ZNF248: variants seen among roughly 807,000 people sequenced by gnomAD.
ZNF248 encodes zinc finger protein 248, also known as KRAB protein domain.
A neutral mutation model predicts 44.3 loss-of-function variants in ZNF248; 20 were observed. The ratio of observed to expected loss-of-function variants is 0.45; its 90% CI spans 0.32 to 0.66. The LOEUF (loss-of-function observed/expected upper bound fraction) is 0.66, where lower values mean the gene tolerates loss of function less well. Ranked by LOEUF, ZNF248 falls within the 30% of genes least tolerant of loss-of-function variation. The pLI, the probability that ZNF248 is intolerant of heterozygous loss-of-function variation, is 0.04. For missense variants in ZNF248, 654 were observed against 677.0 expected (o/e 0.97, Z 0.38); for synonymous variants, 224 against 229.0 (o/e 0.98, Z 0.20).
At chr10:37,783,108 T>G (rs1443966030) in intron 6 of ZNF248, among the ~76,000 whole-genome samples, 5 of 152,196 alleles carry the variant, frequency 3.3e-5, no homozygotes, top group Non-Finnish European at 7.4e-5. Context: ...CCTATCTATG[T>G]GGCAGATGCA....
chr10:37,767,602 C>T, the ZNF248 span, among the ~76,000 whole-genome samples: 2 of 152,118 alleles, frequency 1.3e-5, no homozygotes, highest in African/African-American at 4.8e-5. Flanking sequence ...CCAGGCCTGC[C>T]CTAAAATAGC....
chr10:37,794,283 T>C (rs766894813), intron 6 of ZNF248: 5 of 152,612 alleles, frequency 3.3e-5, no homozygotes, highest in Non-Finnish European at 7.3e-5. Context: ...TTCTCTGACA[T>C]TTAGTAAGGA....
At chr10:37,766,295 C>T in the ZNF248 span, among the ~76,000 whole-genome samples, 4 of 152,208 alleles carry the variant, frequency 2.6e-5, no homozygotes, top group African/African-American at 7.2e-5. Context: ...GATCTGAGAA[C>T]GGGCAGACTG....
chr10:37,810,042 C>T (rs2051245477), intron 6 of ZNF248, among the ~76,000 whole-genome samples: 1 of 152,158 alleles, frequency 6.6e-6, no homozygotes, highest in African/African-American at 2.4e-5. Flanking sequence ...TTGTGTACTA[C>T]TTGATCCTAA....
chr10:37,782,022 AT>A (rs1423040978), intron 6 of ZNF248, among the ~76,000 whole-genome samples: 2 of 152,224 alleles, frequency 1.3e-5, no homozygotes, highest in African/African-American at 4.8e-5. Context: ...AATTTTTATA[AT>A]AGATTTAGCA....
chr10:37,808,234 C>CT (rs997117432), intron 6 of ZNF248, among the ~76,000 whole-genome samples: 1 of 150,026 alleles, frequency 6.7e-6, no homozygotes. Flanking sequence ...GATATATAAT[C>CT]TTTTTTTCTT....
At chr10:37,841,094 A>G (rs2134228079) in intron 3 of ZNF248, among the ~76,000 whole-genome samples, 1 of 152,358 alleles carries the variant, frequency 6.6e-6, no homozygotes, top group South Asian at 2.1e-4. Flanking sequence ...TGTGTCATAG[A>G]TGAAAAGGCA....
intron 6 of ZNF248, among the ~76,000 whole-genome samples, chr10:37,782,926 G>T (rs1226499635): frequency 6.6e-6 from 1 of 152,124 alleles, no homozygotes; most frequent in Non-Finnish European, 1.5e-5. Flanking sequence ...GGTACTTTGT[G>T]ATGGCAGCCC....
chr10:37,845,053 T>C (rs1025167909), intron 3 of ZNF248, among the ~76,000 whole-genome samples: 15 of 151,614 alleles, frequency 9.9e-5, no homozygotes, highest in Non-Finnish European at 1.9e-4. Flanking sequence ...TCTCACTCTG[T>C]GGTTCAGGCT....
downstream of ZNF248, among the ~76,000 whole-genome samples, chr10:37,824,672 A>ATTTTTTTTTTTTTTTT (rs1564542451): frequency 1.6e-4 from 10 of 61,308 alleles, no homozygotes; most frequent in African/African-American, 6.1e-4. Context: ...AATTATTTTA[A>ATTTTTTTTTTTTTTTT]ATTTTTTTTT....
intron 6 of ZNF248, among the ~76,000 whole-genome samples, chr10:37,779,661 C>A (rs984477871): frequency 4.6e-5 from 7 of 152,002 alleles, no homozygotes; most frequent in Admixed American, 3.9e-4. Flanking sequence ...GAAGTTCTGG[C>A]CAGGGCAATT....
intron 6 of ZNF248, chr10:37,784,175 G>A (rs992080090): frequency 6.6e-6 from 1 of 152,276 alleles, no homozygotes; most frequent in Non-Finnish European, 1.5e-5. Flanking sequence ...AGGAATATTA[G>A]AACTTTGGAA....
At chr10:37,762,267 C>T in the ZNF248 span, among the ~76,000 whole-genome samples, 2 of 152,192 alleles carry the variant, frequency 1.3e-5, no homozygotes, top group East Asian at 1.9e-4. Context: ...AGTGCTAACA[C>T]TTGGAATGTT....
chr10:37,829,866 A>G lies in ZNF248; in HGVS notation c.*1749T>C. 1 of 985,400 alleles carries G rather than the reference A, an allele frequency of 1.0e-6. No individual in the cohort carries two copies. Among genetic ancestry groups the G allele is most frequent in the Non-Finnish European group, 1.2e-6 (1 of 829,932 alleles). 61.0% of individuals were successfully genotyped at this position (985,400 alleles called of 1,614,324 possible). On this transcript the variant is annotated 3_prime_UTR_variant, in exon 6 of 6. Coordinates refer to ENST00000395867, the MANE Select transcript of ZNF248 (RefSeq NM_021045.3). ...ACCCCAACAGAATCATTAAAATGGA[A>G]CTTCCATGATTAGCTTTGACTAATC...
intron 1 of ZNF248, 85 bp from the exon 2 acceptor site, chr10:37,856,617 CA>C (rs541598792): frequency 1.9e-6 from 2 of 1,050,532 alleles, no homozygotes; most frequent in East Asian, 6.7e-5. Flanking sequence ...ATGGGTTTGT[CA>C]AAATTCCTTG....
At chr10:37,776,897 G>C (rs1177479523) in intron 6 of ZNF248, among the ~76,000 whole-genome samples, 5 of 152,124 alleles carry the variant, frequency 3.3e-5, no homozygotes, top group Non-Finnish European at 1.5e-5. Flanking sequence ...CAGTTTTCTT[G>C]TTTGTCAAGA....
intron 5 of ZNF248, among the ~76,000 whole-genome samples, chr10:37,835,139 G>T (rs762728095): frequency 6.6e-6 from 1 of 152,016 alleles, no homozygotes; most frequent in African/African-American, 2.4e-5. Context: ...AAAAAAAAGA[G>T]AAAAGAACCA....
chr10:37,766,416 G>C, the ZNF248 span, among the ~76,000 whole-genome samples: 37 of 152,198 alleles, frequency 2.4e-4, no homozygotes, highest in African/African-American at 8.4e-4. Flanking sequence ...AAAACTTCCA[G>C]AGGAACGATC....
intron 6 of ZNF248, chr10:37,818,706 G>C (rs576716580): frequency 5.3e-6 from 3 of 569,476 alleles, no homozygotes; most frequent in East Asian, 7.5e-5. Context: ...CAGCAAGTAG[G>C]GGGTCACAGG....
Sources: gnomAD v4.1 joint callset for allele counts (sites outside exome capture counted in the v4.1 genomes callset) on GRCh38, gnomAD v4.1.1 for gene constraint, MANE v1.5 for transcripts, NCBI Gene and HGNC (gene_info 2026-07-23, HGNC 2026-07-21) for gene names.